The following GNAQ variants were observed in gnomAD, a reference collection of about 807,000 sequenced individuals.
The protein encoded by GNAQ is G protein subunit alpha q.
A neutral mutation model predicts 43.9 loss-of-function variants in GNAQ; 8 were observed. The observed-to-expected ratio is 0.18, with a 90% CI of 0.11 to 0.33. The LOEUF (loss-of-function observed/expected upper bound fraction) is 0.33. Among genes scored for constraint, GNAQ ranks in the 10% least tolerant of loss-of-function variants. The probability of loss-of-function intolerance (pLI) is 1.00; values close to 1 mark genes in which losing one functional copy is unlikely to be tolerated. For missense variants in GNAQ, 158 were observed against 450.8 expected (o/e 0.35, Z 5.88); for synonymous variants, 155 against 170.7 (o/e 0.91, Z 0.71).
intron 5 of GNAQ, among the ~76,000 whole-genome samples, chr9:77,777,932 A>T (rs1410410851): frequency 1.3e-5 from 2 of 152,004 alleles, no homozygotes; most frequent in Non-Finnish European, 2.9e-5. Flanking sequence ...TTAATCATAG[A>T]ACTACCAAAT....
chr9:77,909,015 A>G (rs1388366082), intron 2 of GNAQ, among the ~76,000 whole-genome samples: 1 of 152,204 alleles, frequency 6.6e-6, no homozygotes, highest in African/African-American at 2.4e-5. Context: ...ACTTCTGTGC[A>G]TATGAGAATA....
chr9:77,774,822 C>T (rs1415784676), intron 5 of GNAQ, among the ~76,000 whole-genome samples: 1 of 152,088 alleles, frequency 6.6e-6, no homozygotes, highest in Non-Finnish European at 1.5e-5. Flanking sequence ...TTAAGATAAT[C>T]ATTATTTCTT....
At chr9:77,880,560 TTTTTTTTTG>T (rs1564139464) in intron 2 of GNAQ, among the ~76,000 whole-genome samples, 3 of 149,852 alleles carry the variant, frequency 2.0e-5, no homozygotes, top group African/African-American at 7.5e-5. Context: ...TTTCTGTTTT[TTTTTTTTTG>T]TTTTTTTTGT....
intron 1 of GNAQ, among the ~76,000 whole-genome samples, chr9:77,967,651 A>G (rs1419821525): frequency 2.6e-5 from 4 of 152,204 alleles, no homozygotes; most frequent in Non-Finnish European, 4.4e-5. Context: ...TGGTTATCAG[A>G]GGTGGGGGAA....
intron 2 of GNAQ, among the ~76,000 whole-genome samples, chr9:77,917,880 A>G (rs1828937283): frequency 6.6e-6 from 1 of 152,318 alleles, no homozygotes; most frequent in Non-Finnish European, 1.5e-5. Flanking sequence ...CAACAGATAC[A>G]CACTCGGGGA....
chr9:77,950,253 T>A (rs1822959263), intron 1 of GNAQ, among the ~76,000 whole-genome samples: 1 of 152,202 alleles, frequency 6.6e-6, no homozygotes, highest in Non-Finnish European at 1.5e-5. Flanking sequence ...AATCTCCCAT[T>A]TGGGGGAAGT....
chr9:77,769,503 A>G (rs1826186703), intron 5 of GNAQ, among the ~76,000 whole-genome samples: 1 of 152,128 alleles, frequency 6.6e-6, no homozygotes, highest in Non-Finnish European at 1.5e-5. Context: ...TCCATTCAAT[A>G]TTCACATAAT....
intron 1 of GNAQ, among the ~76,000 whole-genome samples, chr9:77,948,032 G>A (rs1266914604): frequency 6.6e-6 from 1 of 152,224 alleles, no homozygotes; most frequent in Non-Finnish European, 1.5e-5. Flanking sequence ...AAGGTAGCTA[G>A]AAGAATACGT....
intron 1 of GNAQ, among the ~76,000 whole-genome samples, chr9:78,003,077 T>C (rs1358138918): frequency 6.6e-6 from 1 of 152,140 alleles, no homozygotes; most frequent in Non-Finnish European, 1.5e-5. Context: ...TAAAAAGAGC[T>C]TTGATAATGT....
chr9:77,989,384 G>A (rs1823481266), intron 1 of GNAQ, among the ~76,000 whole-genome samples: 1 of 152,162 alleles, frequency 6.6e-6, no homozygotes, highest in Non-Finnish European at 1.5e-5. Context: ...ATCCTGAATT[G>A]GACCATTGCT....
intron 2 of GNAQ, among the ~76,000 whole-genome samples, chr9:77,896,862 C>CTAGCT (rs1238228188): frequency 6.6e-6 from 1 of 152,230 alleles, no homozygotes; most frequent in African/African-American, 2.4e-5. Context: ...CTGACACCTT[C>CTAGCT]TAGCTTCAAA....
intron 2 of GNAQ, among the ~76,000 whole-genome samples, chr9:77,901,043 G>C (rs1220081588): frequency 6.6e-5 from 10 of 152,096 alleles, no homozygotes; most frequent in African/African-American, 2.2e-4. Context: ...AAAAATACTT[G>C]CTTGAATCCT....
chr9:77,810,555 T>C (rs752416406), intron 3 of GNAQ, among the ~76,000 whole-genome samples: 21 of 152,232 alleles, frequency 1.4e-4, no homozygotes, highest in Non-Finnish European at 2.8e-4. Flanking sequence ...TATTATTGTC[T>C]TTGATAAGGC....
At chr9:77,736,644 G>A (rs537132538) in intron 5 of GNAQ, among the ~76,000 whole-genome samples, 1 of 152,226 alleles carries the variant, frequency 6.6e-6, no homozygotes, top group South Asian at 2.1e-4. Context: ...TCAGGCCCTT[G>A]TAAAGTGAAC....
intron 2 of GNAQ, among the ~76,000 whole-genome samples, chr9:77,820,939 A>C (rs1827103962): frequency 6.6e-6 from 1 of 152,208 alleles, no homozygotes; most frequent in Non-Finnish European, 1.5e-5. Flanking sequence ...AATTACTATG[A>C]AATCTTGTGG....
At chr9:78,010,464 C>G (rs186152277) in intron 1 of GNAQ, among the ~76,000 whole-genome samples, 2 of 152,086 alleles carry the variant, frequency 1.3e-5, no homozygotes, top group African/African-American at 4.8e-5. Flanking sequence ...ACAGACTTAA[C>G]GACAAATTGG....
chr9:78,017,304 T>C (rs1291392909), intron 1 of GNAQ, among the ~76,000 whole-genome samples: 1 of 152,196 alleles, frequency 6.6e-6, no homozygotes, highest in South Asian at 2.1e-4. Flanking sequence ...CAAAACTGGC[T>C]TTCGTGAGCA....
intron 5 of GNAQ, among the ~76,000 whole-genome samples, chr9:77,738,204 G>A (rs1265007339): frequency 6.6e-6 from 1 of 152,070 alleles, no homozygotes; most frequent in Non-Finnish European, 1.5e-5. Context: ...ATGTATACAC[G>A]GTTGTGTGCA....
At chr9:77,845,721 T>C (rs1827573790) in intron 2 of GNAQ, among the ~76,000 whole-genome samples, 1 of 152,172 alleles carries the variant, frequency 6.6e-6, no homozygotes, top group Non-Finnish European at 1.5e-5. Flanking sequence ...TGTAAAACTT[T>C]ACACAGTATA....
Sources: allele counts gnomAD v4.1 joint callset (sites outside exome capture counted in the v4.1 genomes callset), GRCh38; gene constraint gnomAD v4.1.1; transcripts MANE v1.5; gene names NCBI Gene and HGNC (gene_info 2026-07-23, HGNC 2026-07-21).